Variants in KMT2E observed in about 807,000 individuals in gnomAD.
KMT2E encodes histone reader KMT2E.
A neutral mutation model predicts 184.6 loss-of-function variants in KMT2E; 30 were observed. The observed-to-expected ratio is 0.16, with a 90% CI of 0.12 to 0.22. The LOEUF (loss-of-function observed/expected upper bound fraction) is 0.22, where lower values mean the gene tolerates loss of function less well. KMT2E is among the 10% of genes least tolerant of loss of function. The pLI, the probability that KMT2E is intolerant of heterozygous loss-of-function variation, is 1.00. For missense variants in KMT2E, 2,023 were observed against 2,237.4 expected (o/e 0.90, Z 1.93); for synonymous variants, 815 against 776.5 (o/e 1.05, Z -0.82).
intron 1 of KMT2E, among the ~76,000 whole-genome samples, chr7:105,037,624 A>C (rs1042698229): frequency 2.0e-5 from 3 of 152,116 alleles, no homozygotes; most frequent in African/African-American, 7.2e-5. Context: ...CAGCTGCTCA[A>C]AGTGCTGGGA....
chr7:105,066,898 T>G, intron 6 of KMT2E, 91 bp downstream of exon 6: 1 of 966,052 alleles, frequency 1.0e-6, no homozygotes, highest in Non-Finnish European at 1.7e-6. Flanking sequence ...AGTTAAAAAA[T>G]TAATGAATCA....
chr7:105,056,208 A>G (rs973190742), intron 3 of KMT2E, among the ~76,000 whole-genome samples: 2 of 152,210 alleles, frequency 1.3e-5, no homozygotes, highest in Non-Finnish European at 2.9e-5. Flanking sequence ...AATTAAGTAT[A>G]TTTAGAATCA....
At chr7:105,031,731 G>C (rs1259713568) in intron 1 of KMT2E, among the ~76,000 whole-genome samples, 2 of 151,546 alleles carry the variant, frequency 1.3e-5, no homozygotes, top group African/African-American at 4.9e-5. Flanking sequence ...CAGCCTGGGT[G>C]ACAGAGTGAA....
intron 13 of KMT2E, among the ~76,000 whole-genome samples, chr7:105,082,803 A>G (rs946646878): frequency 2.0e-5 from 3 of 152,220 alleles, no homozygotes; most frequent in Non-Finnish European, 2.9e-5. Context: ...CCCATATCAT[A>G]GAAGAGTCCA....
intron 17 of KMT2E, 115 bp downstream of exon 17, chr7:105,102,309 A>C: frequency 1.3e-6 from 1 of 759,054 alleles, no homozygotes; most frequent in Middle Eastern, 3.9e-4. Context: ...CAGTTTTTAT[A>C]CTTGCAGATT....
intron 3 of KMT2E, among the ~76,000 whole-genome samples, chr7:105,054,502 AT>A (rs1796492359): frequency 7.3e-6 from 1 of 136,472 alleles, no homozygotes; most frequent in Admixed American, 7.4e-5. Flanking sequence ...CTATCTATCT[AT>A]CTATCTATCT....
intron 6 of KMT2E, among the ~76,000 whole-genome samples, chr7:105,069,970 G>T (rs1231787700): frequency 1.3e-5 from 2 of 152,050 alleles, no homozygotes; most frequent in African/African-American, 2.4e-5. Flanking sequence ...TTTATCCAGC[G>T]TGATTCCCTA....
chr7:105,092,649 A>G (rs1318539753), intron 15 of KMT2E, among the ~76,000 whole-genome samples: 1 of 152,068 alleles, frequency 6.6e-6, no homozygotes, highest in Non-Finnish European at 1.5e-5. Flanking sequence ...ATTATCTTGA[A>G]CCTTTTTTGA....
At chr7:105,069,481 C>G (rs2129567628) in intron 6 of KMT2E, among the ~76,000 whole-genome samples, 1 of 152,312 alleles carries the variant, frequency 6.6e-6, no homozygotes, top group African/African-American at 2.4e-5. Context: ...AACTTTCCCC[C>G]CATAGGGCAT....
At chr7:105,021,973 A>G (rs1794974983) in intron 1 of KMT2E, among the ~76,000 whole-genome samples, 3 of 152,146 alleles carry the variant, frequency 2.0e-5, no homozygotes, top group Admixed American at 2.0e-4. Context: ...AGATCACCGG[A>G]CTTGTGACAT....
intron 13 of KMT2E, among the ~76,000 whole-genome samples, chr7:105,088,710 G>A (rs921691810): frequency 5.3e-5 from 8 of 152,158 alleles, no homozygotes; most frequent in Non-Finnish European, 2.9e-5. Flanking sequence ...TCTAAATGCC[G>A]TCCTTTCCAC....
intron 17 of KMT2E, chr7:105,102,411 T>A (rs138483501): frequency 1.5e-5 from 6 of 396,226 alleles, no homozygotes; most frequent in African/African-American, 1.3e-4. Context: ...TTATCAGGAC[T>A]TTTATGGTAT....
At position 105,062,297 on chromosome 7, in the gene KMT2E, T is replaced by C. The variant is rs1562899894; in HGVS notation, c.186+19T>C. On this transcript the variant is annotated intron_variant, in intron 4 of 26. Coordinates refer to ENST00000311117, the MANE Select transcript of KMT2E (RefSeq NM_182931.3). ...CTATGCGGTAAGTGTTAAACACTTC[T>C]TTGAAAAAACATTTTTAAATTTAGA... The C allele has an allele frequency of 6.6e-7, 1 of 1,507,950 alleles. No individual in the cohort carries two copies. 93.4% of individuals were successfully genotyped at this position (1,507,950 alleles called of 1,614,324 possible).
At chr7:105,019,844 T>C (rs1466817359) in intron 1 of KMT2E, among the ~76,000 whole-genome samples, 2 of 152,150 alleles carry the variant, frequency 1.3e-5, no homozygotes, top group Admixed American at 6.6e-5. Context: ...CGGTGGCTCA[T>C]ACCTGTAATT....
At chr7:105,060,830 G>A (rs1052503462) in intron 3 of KMT2E, among the ~76,000 whole-genome samples, 2 of 152,106 alleles carry the variant, frequency 1.3e-5, no homozygotes, top group African/African-American at 4.8e-5. Flanking sequence ...GATATTCAGC[G>A]CATAACATGC....
chr7:105,079,375 A>T (rs1797662786), intron 12 of KMT2E, among the ~76,000 whole-genome samples: 1 of 151,162 alleles, frequency 6.6e-6, no homozygotes, highest in Admixed American at 6.6e-5. Flanking sequence ...ACCTCAGGTG[A>T]TTTGCCCATC....
intron 1 of KMT2E, among the ~76,000 whole-genome samples, chr7:105,024,625 C>T (rs1795097891): frequency 6.6e-6 from 1 of 152,132 alleles, no homozygotes; most frequent in African/African-American, 2.4e-5. Flanking sequence ...GGCTCCAGCT[C>T]ATTTTTATAT....
At chr7:105,061,955 T>A (rs974759412) in intron 3 of KMT2E, 3 of 385,794 alleles carry the variant, frequency 7.8e-6, no homozygotes, top group African/African-American at 6.2e-5. Flanking sequence ...GAAATTGGAT[T>A]GGGACATTTA....
chr7:105,040,247 C>T (rs1795822120), intron 2 of KMT2E, among the ~76,000 whole-genome samples: 1 of 152,002 alleles, frequency 6.6e-6, no homozygotes, highest in Non-Finnish European at 1.5e-5. Context: ...AGTGGAGTAG[C>T]CTTGATTAAG....
Sources: gnomAD v4.1 joint callset for allele counts (sites outside exome capture counted in the v4.1 genomes callset) on GRCh38, gnomAD v4.1.1 for gene constraint, MANE v1.5 for transcripts, NCBI Gene and HGNC (gene_info 2026-07-23, HGNC 2026-07-21) for gene names.